Variants in ADGRA2 observed in about 807,000 individuals in gnomAD.
ADGRA2 encodes the protein G-protein coupled receptor 124.
In ADGRA2, 61 loss-of-function variants were observed where a neutral mutation model predicts 98.7. That is an observed-to-expected ratio of 0.62 (90% CI 0.50 to 0.76). The LOEUF (loss-of-function observed/expected upper bound fraction) is 0.76. ADGRA2 is among the 30% of genes least tolerant of loss of function. ADGRA2 has a pLI of 0.00. For missense variants in ADGRA2, 1,712 were observed against 1,860.0 expected (o/e 0.92, Z 1.46); for synonymous variants, 858 against 831.5 (o/e 1.03, Z -0.55).
At chr8:37,811,315 G>T (rs192660249) in intron 1 of ADGRA2, among the ~76,000 whole-genome samples, 1 of 142,534 alleles carries the variant, frequency 7.0e-6, no homozygotes, top group Non-Finnish European at 1.5e-5. Flanking sequence ...GATTACAGGC[G>T]CCTGCCACCA....
In ADGRA2 at chr8:37,843,179, A is replaced by G. The variant is rs1276731151; in HGVS notation, c.*824A>G. Reference sequence around the variant, plus strand: ...CAGAATCTAGTCATGCCCTAAAGCTAGTCCTGTAAACAATGGTGCCCCAGA... The same window carrying G: ...CAGAATCTAGTCATGCCCTAAAGCTGGTCCTGTAAACAATGGTGCCCCAGA... On this transcript the variant is annotated 3_prime_UTR_variant, in exon 19 of 19. Coordinates refer to ENST00000412232, the MANE Select transcript of ADGRA2 (RefSeq NM_032777.10). The G allele has an allele frequency of 6.6e-6, 1 of 152,324 alleles. No homozygotes were observed. The highest frequency in any genetic ancestry group is 6.5e-5 in the Admixed American group (1 of 15,280). The allele number at this position is 152,324 out of a possible 1,614,324, so 9.4% of individuals were successfully genotyped here.
chr8:37,844,725 GA>G lies in ADGRA2; in HGVS notation c.*2372del. On this transcript the variant is annotated 3_prime_UTR_variant, in exon 19 of 19. Coordinates refer to ENST00000412232, the MANE Select transcript of ADGRA2 (RefSeq NM_032777.10). ...CCGCTTCCCCTGGGGTAAACCTAAG[GA>G]ATTATTTCCCACCTCCCCTTCTCCT... 1 of 1,614,058 alleles carries G rather than the reference GA, an allele frequency of 6.2e-7. No homozygotes were observed.
At chr8:37,837,612 G>T in intron 13 of ADGRA2, 119 bp from the exon 14 acceptor site, 2 of 825,192 alleles carry the variant, frequency 2.4e-6, no homozygotes, top group Non-Finnish European at 4.0e-6. Flanking sequence ...CCAGCACTGT[G>T]CCCTGCCTGG....
At chr8:37,819,023 CA>C (rs926671380) in intron 2 of ADGRA2, among the ~76,000 whole-genome samples, 11 of 152,162 alleles carry the variant, frequency 7.2e-5, no homozygotes, top group Admixed American at 2.6e-4. Flanking sequence ...CAAAGCGAGC[CA>C]GGGGGAGGTG....
rs1471502254 is a variant in ADGRA2 at position 37,796,908 on chromosome 8, G to GGCGGCA, written c.-358_-353dup. ...ATCCATGGCACGGAGCGGCGGCGGC[G>GGCGGCA]GCGGCAGCAGGAGCCCGGCGCGATC... is the stretch of plus-strand genomic sequence containing the variant. On this transcript the variant is annotated 5_prime_UTR_variant, in exon 1 of 19. Coordinates refer to ENST00000412232, the MANE Select transcript of ADGRA2 (RefSeq NM_032777.10). 6.5e-6 allele frequency: 1 copy of GGCGGCA among 153,142 alleles called. No homozygotes were observed. The highest frequency in any genetic ancestry group is 2.4e-5 in the African/African-American group (1 of 41,250). The allele number at this position is 153,142 out of a possible 1,614,324, so 9.5% of individuals were successfully genotyped here.
chr8:37,802,613 AG>A lies in ADGRA2; in HGVS notation c.266+5083del, dbSNP rs1164032469. Among the ~76,000 whole-genome samples the A allele has an allele frequency of 6.6e-6, 1 of 152,178 alleles. No homozygotes were observed. The highest frequency in any genetic ancestry group is 1.5e-5 in the Non-Finnish European group (1 of 68,030). On this transcript the variant is annotated intron_variant, in intron 1 of 18. Coordinates refer to ENST00000412232, the MANE Select transcript of ADGRA2 (RefSeq NM_032777.10). The surrounding 1 kb of genome is among the most constrained non-coding windows in gnomAD (Gnocchi z 4.7). The stretch of plus-strand genomic sequence containing the variant: ...TCCGGGACCTCGCCTGTTCAAAGGC[AG>A]GGGCCCAGCAGAAACCTCAGTCTCT...
chr8:37,818,346 C>T (rs1157666788), intron 2 of ADGRA2, among the ~76,000 whole-genome samples: 1 of 152,228 alleles, frequency 6.6e-6, no homozygotes, highest in Non-Finnish European at 1.5e-5. Flanking sequence ...TCAGCCTTGC[C>T]CCTGTCTCCT....
Position 37,841,009 on chromosome 8 carries a change from C to T in ADGRA2, c.2748-77C>T. ...TGTCTCCGTACTCACCATATCCTGTCTCCCCAACCACCCCGGCCCCCAGCC... is the reference window on the plus strand; with the variant it reads ...TGTCTCCGTACTCACCATATCCTGTTTCCCCAACCACCCCGGCCCCCAGCC... On this transcript the variant is annotated intron_variant, in intron 18 of 18. Coordinates refer to ENST00000412232, the MANE Select transcript of ADGRA2 (RefSeq NM_032777.10). The surrounding 1 kb of genome is among the most constrained non-coding windows in gnomAD (Gnocchi z 5.0). The T allele has an allele frequency of 1.4e-6, 2 of 1,401,456 alleles. No homozygotes were observed. The highest frequency in any genetic ancestry group is 2.0e-6 in the Non-Finnish European group (2 of 1,015,810). The allele number at this position is 1,401,456 out of a possible 1,614,324, so 86.8% of individuals were successfully genotyped here.
rs766867598 is a variant in ADGRA2 at position 37,838,941 on chromosome 8, C to T, written c.2260-15C>T. On this transcript the variant is annotated splice_polypyrimidine_tract_variant and intron_variant, in intron 14 of 18. Transcript: ENST00000412232. ...TGTCCACATTCCTCACGTCCTCCTT[C>T]CTGCCCTTTCCCAGGAGCTGAGCGC... The T allele has an allele frequency of 6.4e-6, 10 of 1,556,234 alleles. No individual in the cohort carries two copies. The East Asian group carries it at 2.3e-4, about 35-fold the overall frequency.
rs1489591218 is a variant in ADGRA2 at position 37,841,160 on chromosome 8, T to C, written c.2822T>C (p.Ile941Thr). 2 of 1,612,786 alleles carry C rather than the reference T, an allele frequency of 1.2e-6. No individual in the cohort carries two copies. Among genetic ancestry groups the C allele is most frequent in the South Asian group, 2.2e-5 (2 of 91,074 alleles). The change falls in exon 19 of 19, where the codon ATC (isoleucine) becomes ACC (threonine). Residue 941 changes from isoleucine (I) to threonine (T), a missense_variant. By Grantham distance (89) the Ile-to-Thr change is moderately conservative. Transcript: ENST00000412232. The surrounding 1 kb of genome is among the most constrained non-coding windows in gnomAD (Gnocchi z 5.0). The part of the protein sequence containing the change: ...PVALILLITW[I>T]YFLCAGLRLR... ...GCTTTGATTCTGCTCATCACCTGGA[T>C]CTATTTCCTGTGCGCCGGGCTACGC... is the stretch of plus-strand genomic sequence containing the variant.
At chr8:37,800,121 A>G (rs532604492) in intron 1 of ADGRA2, among the ~76,000 whole-genome samples, 9 of 152,272 alleles carry the variant, frequency 5.9e-5, no homozygotes, top group Non-Finnish European at 1.3e-4. Context: ...CCCATCAGGA[A>G]GGGTTACAGC....
rs973257095 is a variant in ADGRA2, at chr8:37,797,239, C to G, written c.-30C>G. 8.1e-7 allele frequency: 1 copy of G among 1,229,652 alleles called. No homozygotes were observed. The highest frequency in any genetic ancestry group is 1.0e-6 in the Non-Finnish European group (1 of 987,588). The allele number at this position is 1,229,652 out of a possible 1,614,324, so 76.2% of individuals were successfully genotyped here. On this transcript the variant is annotated 5_prime_UTR_variant, in exon 1 of 19. Transcript: ENST00000412232. This position sits in a 1 kb window ranked among gnomAD's most constrained non-coding sequence, Gnocchi z 5.3. Reference sequence around the variant, plus strand: ...CGGCCGGCGCGCAGCCCGGCCCCAGCGCTGTGGGTCCCCGCGGGGCGATGG... The same window carrying G: ...CGGCCGGCGCGCAGCCCGGCCCCAGGGCTGTGGGTCCCCGCGGGGCGATGG...
At chr8:37,819,824 C>G (rs1312872793) in intron 2 of ADGRA2, among the ~76,000 whole-genome samples, 1 of 152,142 alleles carries the variant, frequency 6.6e-6, no homozygotes, top group Non-Finnish European at 1.5e-5. Context: ...GTACGTGCCA[C>G]CACACCTGGC....
rs757311859 is a variant in ADGRA2 at position 37,835,361 on chromosome 8, G to A, written c.1796G>A (p.Gly599Glu). 6.2e-7 allele frequency: 1 copy of A among 1,612,588 alleles called. No homozygotes were observed. Among genetic ancestry groups the A allele is most frequent in the South Asian group, 1.1e-5 (1 of 91,014 alleles). The part of the protein sequence containing the change: ...DQQLRFRCTT[G>E]RPNVSLSSFH... The stretch of plus-strand genomic sequence containing the variant: ...CAGCTCCGCTTCCGCTGCACCACCG[G>A]GAGGCCCAATGTTTCTCTGTCGTCC... The change falls in exon 12 of 19, where the codon GGG (glycine) becomes GAG (glutamate). Residue 599 changes from glycine (G) to glutamate (E), a missense_variant. Gly to Glu is a moderately conservative substitution (Grantham distance 98, BLOSUM62 -2). Coordinates refer to ENST00000412232, the MANE Select transcript of ADGRA2 (RefSeq NM_032777.10).
At chr8:37,832,977 G>C (rs200017482) in intron 8 of ADGRA2, 33 bp from the exon 9 acceptor site, 1 of 1,554,720 alleles carries the variant, frequency 6.4e-7, no homozygotes. Flanking sequence ...TGAGAAGCCC[G>C]GTTCATCGGC....
At chr8:37,829,109 CATTT>C in intron 3 of ADGRA2, 148 bp from the exon 4 acceptor site, 1 of 767,138 alleles carries the variant, frequency 1.3e-6, no homozygotes, top group Non-Finnish European at 2.1e-6. Context: ...AAGGAGCTGG[CATTT>C]CCAGTCCAGC....
At chr8:37,811,168 G>GTTTTT (rs762992936) in intron 1 of ADGRA2, among the ~76,000 whole-genome samples, 9 of 101,746 alleles carry the variant, frequency 8.8e-5, no homozygotes, top group East Asian at 3.8e-4. Flanking sequence ...GTGTGTGTGT[G>GTTTTT]TTTTTTTTTT....
intron 2 of ADGRA2, among the ~76,000 whole-genome samples, chr8:37,827,650 A>G (rs1453897963): frequency 6.6e-6 from 1 of 152,206 alleles, no homozygotes; most frequent in Non-Finnish European, 1.5e-5. Context: ...CCCATGGAGA[A>G]GACAGGACTG....
chr8:37,832,962 T>C (rs1263646700), intron 8 of ADGRA2, 48 bp from the exon 9 acceptor site: 2 of 1,443,184 alleles, frequency 1.4e-6, no homozygotes, highest in South Asian at 1.2e-5. Context: ...GAAGGGCTGT[T>C]GTTCTGAGAA....
Sources: allele counts gnomAD v4.1 joint callset (sites outside exome capture counted in the v4.1 genomes callset), GRCh38; gene constraint gnomAD v4.1.1; non-coding constraint Gnocchi (gnomAD v3.1); transcripts MANE v1.5; gene names NCBI Gene and HGNC (gene_info 2026-07-23, HGNC 2026-07-21).